Variants in PAPSS2 observed in about 807,000 individuals in gnomAD.
The protein encoded by PAPSS2 is 3'-phosphoadenosine 5'-phosphosulfate synthase 2.
A neutral mutation model predicts 66.5 loss-of-function variants in PAPSS2; 61 were observed. That is an observed-to-expected ratio of 0.92 (90% CI 0.75 to 1.14). PAPSS2 has a LOEUF of 1.14. PAPSS2 is among the 50% of genes most tolerant of loss of function. The pLI, the probability that PAPSS2 is intolerant of heterozygous loss-of-function variation, is 0.00. For missense variants in PAPSS2, 708 were observed against 789.6 expected (o/e 0.90, Z 1.24); for synonymous variants, 289 against 287.5 (o/e 1.01, Z -0.05).
chr10:87,694,609 C>T (rs3781192), intron 1 of PAPSS2, among the ~76,000 whole-genome samples: 4 of 152,104 alleles, frequency 2.6e-5, no homozygotes, highest in Non-Finnish European at 5.9e-5. Context: ...CTGCTGAGAA[C>T]AAAAGTTCTG....
At chr10:87,701,748 A>G (rs1022381728) in intron 1 of PAPSS2, among the ~76,000 whole-genome samples, 3 of 152,184 alleles carry the variant, frequency 2.0e-5, no homozygotes, top group African/African-American at 7.2e-5. Flanking sequence ...TAAAAAGTGG[A>G]TGAGATCATT....
chr10:87,696,748 A>G (rs958886190), intron 1 of PAPSS2, among the ~76,000 whole-genome samples: 1 of 152,244 alleles, frequency 6.6e-6, no homozygotes, highest in African/African-American at 2.4e-5. Context: ...CCAGCAATGC[A>G]GAAACTGAAG....
At chr10:87,737,203 A>G (rs1023809556) in intron 9 of PAPSS2, among the ~76,000 whole-genome samples, 4 of 152,260 alleles carry the variant, frequency 2.6e-5, no homozygotes, top group Admixed American at 6.5e-5. Flanking sequence ...GAGTTGGGCC[A>G]TCTAATGTGT....
intron 9 of PAPSS2, among the ~76,000 whole-genome samples, chr10:87,738,417 ATG>A (rs58521119): frequency 0.18 from 16,860 of 93,802 alleles, 1,970 homozygotes; most frequent in East Asian, 0.43. Flanking sequence ...GTGTGTGTGT[ATG>A]TGTGTGTGTG....
intron 10 of PAPSS2, 26 bp from the exon 11 acceptor site, chr10:87,743,347 T>C: frequency 6.2e-7 from 1 of 1,612,088 alleles, no homozygotes; most frequent in Non-Finnish European, 8.5e-7. Context: ...TTCTGTGACC[T>C]TCCTTCTTCT....
chr10:87,698,974 A>T (rs1853268744), intron 1 of PAPSS2, among the ~76,000 whole-genome samples: 1 of 152,250 alleles, frequency 6.6e-6, no homozygotes, highest in South Asian at 2.1e-4. Flanking sequence ...TGAACCTTAA[A>T]TGTCCAGTGG....
intron 9 of PAPSS2, among the ~76,000 whole-genome samples, chr10:87,733,159 A>G (rs988095596): frequency 3.3e-5 from 5 of 152,172 alleles, no homozygotes; most frequent in Admixed American, 2.0e-4. Flanking sequence ...TTCTATTTCC[A>G]TGTGGCACTG....
chr10:87,709,416 T>G, intron 2 of PAPSS2, 103 bp downstream of exon 2: 1 of 719,108 alleles, frequency 1.4e-6, no homozygotes, highest in Non-Finnish European at 2.5e-6. Flanking sequence ...TGTTTTATCA[T>G]TAGAAGGAGG....
chr10:87,704,438 AAC>A (rs1262906059), intron 1 of PAPSS2, among the ~76,000 whole-genome samples: 1 of 152,224 alleles, frequency 6.6e-6, no homozygotes, highest in Admixed American at 6.5e-5. Flanking sequence ...GTGGAGAAGA[AAC>A]AGTCAAACTA....
At chr10:87,690,936 C>T (rs1853164477) in intron 1 of PAPSS2, among the ~76,000 whole-genome samples, 1 of 151,974 alleles carries the variant, frequency 6.6e-6, no homozygotes, top group Non-Finnish European at 1.5e-5. Flanking sequence ...CCATCATGAC[C>T]CTGTGTTCAT....
In PAPSS2 at chr10:87,743,198, A is replaced by T. The variant is rs1335830647; in HGVS notation, c.1223-175A>T. On this transcript the variant is annotated intron_variant, in intron 10 of 12. Coordinates refer to ENST00000456849, the MANE Select transcript of PAPSS2 (RefSeq NM_001015880.2). ...GAGGCGGAGGTTGCAGTGACCTGAG[A>T]TCGCTGACTGCACTCCAGCCTGGGC... 1.1e-4 allele frequency among the ~76,000 whole-genome samples: 17 copies of T among 150,134 alleles called. No individual in the cohort carries two copies. In the Admixed American group the frequency reaches 1.1e-3, roughly 10 times the overall value.
At chr10:87,707,992 T>C (rs1042014224) in intron 1 of PAPSS2, among the ~76,000 whole-genome samples, 3 of 152,246 alleles carry the variant, frequency 2.0e-5, no homozygotes, top group Non-Finnish European at 4.4e-5. Flanking sequence ...ATTCTGTCTG[T>C]CATTAGAAAT....
In PAPSS2 at chr10:87,743,603, A is replaced by C. The variant is rs1176233778; in HGVS notation, c.1453A>C (p.Ile485Leu). Residue 485 changes from isoleucine (I) to leucine (L), a missense_variant, in exon 11 of 13, where the codon ATC (isoleucine) becomes CTC (leucine). Coordinates refer to ENST00000456849, the MANE Select transcript of PAPSS2 (RefSeq NM_001015880.2). ...VLDPKSTIVA[I>L]FPSPMLYAGP... ...GGATCCCAAGTCAACCATTGTTGCC[A>C]TCTTTCCGTCTCCCATGTTATATGC... 1.2e-6 allele frequency: 2 copies of C among 1,614,166 alleles called. No individual in the cohort carries two copies. Among genetic ancestry groups the C allele is most frequent in the South Asian group, 2.2e-5 (2 of 91,082 alleles).
chr10:87,715,053 C>T lies in PAPSS2; in HGVS notation c.708C>T (p.His236=), dbSNP rs376121158. ...ELFVPENKLD[H]VRAEAETLPS... is the part of the protein sequence containing the mutation. ...TTGTGCCGGAAAACAAACTTGACCACGTCCGAGCTGAGGCTGAAACTCTCC... is the reference window on the plus strand; with the variant it reads ...TTGTGCCGGAAAACAAACTTGACCATGTCCGAGCTGAGGCTGAAACTCTCC... Residue 236 remains histidine (H), a synonymous_variant, in exon 6 of 13, where the codon CAC becomes CAT. Transcript: ENST00000456849. 1.5e-5 allele frequency: 25 copies of T among 1,613,104 alleles called. No individual in the cohort carries two copies. The highest frequency in any genetic ancestry group is 1.3e-5 in the African/African-American group (1 of 74,902).
chr10:87,676,209 A>G (rs1007687547), intron 1 of PAPSS2, among the ~76,000 whole-genome samples: 1 of 152,176 alleles, frequency 6.6e-6, no homozygotes, highest in Admixed American at 6.5e-5. Context: ...TGGTGACTTT[A>G]TCTTTGGAAA....
At chr10:87,741,526 C>G (rs1490707571) in intron 10 of PAPSS2, among the ~76,000 whole-genome samples, 156 bp downstream of exon 10, 1 of 152,046 alleles carries the variant, frequency 6.6e-6, no homozygotes, top group Non-Finnish European at 1.5e-5. Flanking sequence ...TCCTGAGTAG[C>G]TTGGATTACA....
chr10:87,694,623 T>C (rs1371232852), intron 1 of PAPSS2, among the ~76,000 whole-genome samples: 1 of 152,232 alleles, frequency 6.6e-6, no homozygotes, highest in Non-Finnish European at 1.5e-5. Context: ...AGTTCTGTTA[T>C]CTGAGAGTAG....
intron 1 of PAPSS2, among the ~76,000 whole-genome samples, chr10:87,695,716 C>T (rs143652936): frequency 6.5e-4 from 99 of 152,188 alleles, no homozygotes; most frequent in African/African-American, 2.0e-3. Context: ...ACAGGATGTG[C>T]GGATACATAA....
intron 9 of PAPSS2, among the ~76,000 whole-genome samples, chr10:87,729,769 G>A (rs900533176): frequency 9.9e-5 from 15 of 152,116 alleles, no homozygotes; most frequent in Non-Finnish European, 1.8e-4. Flanking sequence ...GGCCAGGGTG[G>A]GCGGATCACT....
Sources: allele counts gnomAD v4.1 joint callset (sites outside exome capture counted in the v4.1 genomes callset), GRCh38; gene constraint gnomAD v4.1.1; transcripts MANE v1.5; gene names NCBI Gene and HGNC (gene_info 2026-07-23, HGNC 2026-07-21).